ANKS1B: variants seen among roughly 807,000 people sequenced by gnomAD.
ANKS1B encodes the protein ankyrin repeat and sterile alpha motif domain containing 1B, also known as ankyrin repeat and sterile alpha motif domain-containing protein 1B.
A neutral mutation model predicts 148.3 loss-of-function variants in ANKS1B; 36 were observed. The ratio of observed to expected loss-of-function variants is 0.24; its 90% CI spans 0.19 to 0.32. The LOEUF is 0.32. Ranked by LOEUF, ANKS1B falls within the 10% of genes least tolerant of loss-of-function variation. The pLI is 1.00. For missense variants in ANKS1B, 1,157 were observed against 1,542.6 expected (o/e 0.75, Z 4.19); for synonymous variants, 542 against 560.8 (o/e 0.97, Z 0.47).
intron 4 of ANKS1B, among the ~76,000 whole-genome samples, chr12:99,788,285 A>G (rs2065214465): frequency 6.6e-6 from 1 of 152,178 alleles, no homozygotes; most frequent in Non-Finnish European, 1.5e-5. Flanking sequence ...TGCATCTTAG[A>G]TGTCAGCTCA....
intron 10 of ANKS1B, among the ~76,000 whole-genome samples, chr12:99,450,472 A>T (rs2095713595): frequency 6.6e-6 from 1 of 152,254 alleles, no homozygotes; most frequent in Non-Finnish European, 1.5e-5. Flanking sequence ...TTTGCACTAA[A>T]GCCAGAAGAA....
intron 9 of ANKS1B, chr12:99,648,401 C>T (rs1270678023): frequency 6.2e-7 from 1 of 1,614,172 alleles, no homozygotes; most frequent in Non-Finnish European, 8.5e-7. Context: ...ATCGTTCGCA[C>T]CAGCCCCTGC....
intron 14 of ANKS1B, among the ~76,000 whole-genome samples, chr12:99,182,339 T>C (rs2079212231): frequency 6.6e-6 from 1 of 152,130 alleles, no homozygotes; most frequent in South Asian, 2.1e-4. Context: ...CCAAACCATA[T>C]CATCATCTTA....
chr12:99,248,498 A>C (rs1432260360), intron 12 of ANKS1B, among the ~76,000 whole-genome samples: 2 of 152,210 alleles, frequency 1.3e-5, no homozygotes, highest in East Asian at 3.8e-4. Context: ...GTCTTCTCAC[A>C]AAAACAAAAC....
chr12:99,408,006 T>C (rs1567042721), intron 11 of ANKS1B, among the ~76,000 whole-genome samples: 1 of 145,622 alleles, frequency 6.9e-6, no homozygotes, highest in Non-Finnish European at 1.5e-5. Flanking sequence ...AATCCTAAAA[T>C]GTATATGGAA....
chr12:98,987,369 T>C (rs887656281), intron 17 of ANKS1B, among the ~76,000 whole-genome samples: 13 of 152,154 alleles, frequency 8.5e-5, no homozygotes, highest in African/African-American at 3.1e-4. Flanking sequence ...AAGTATCCCA[T>C]TATACTGAAT....
intron 19 of ANKS1B, among the ~76,000 whole-genome samples, chr12:98,812,188 CACAAGACT>C (rs2099101882): frequency 2.0e-5 from 3 of 152,182 alleles, no homozygotes; most frequent in Non-Finnish European, 2.9e-5. Flanking sequence ...ACAGGGGTCT[CACAAGACT>C]ACAATACCAT....
chr12:99,345,651 T>C (rs1025913233), intron 12 of ANKS1B, among the ~76,000 whole-genome samples: 3 of 151,994 alleles, frequency 2.0e-5, no homozygotes, highest in African/African-American at 7.2e-5. Flanking sequence ...CACAGAGAGT[T>C]AGTGAAAATA....
At chr12:98,877,203 CAA>C (rs981122168) in intron 17 of ANKS1B, among the ~76,000 whole-genome samples, 1 of 152,132 alleles carries the variant, frequency 6.6e-6, no homozygotes, top group Non-Finnish European at 1.5e-5. Context: ...AGAGGTAATG[CAA>C]AGAGAGGTCT....
chr12:99,581,155 CTT>C (rs2097566012), intron 9 of ANKS1B, among the ~76,000 whole-genome samples: 1 of 152,070 alleles, frequency 6.6e-6, no homozygotes, highest in Non-Finnish European at 1.5e-5. Flanking sequence ...GATTTCAAGA[CTT>C]AATACAAAAG....
intron 14 of ANKS1B, among the ~76,000 whole-genome samples, chr12:99,182,922 C>T (rs141400874): frequency 5.0e-4 from 76 of 152,242 alleles, no homozygotes; most frequent in African/African-American, 1.8e-3. Context: ...TGATGTTGAA[C>T]ACACTTTTAT....
chr12:98,873,742 C>G (rs2099679105), intron 17 of ANKS1B, among the ~76,000 whole-genome samples: 1 of 152,128 alleles, frequency 6.6e-6, no homozygotes, highest in Admixed American at 6.5e-5. Context: ...TCAAAGGATA[C>G]CCCACTGAAA....
intron 23 of ANKS1B, among the ~76,000 whole-genome samples, chr12:98,781,782 A>G (rs2098739260): frequency 6.6e-6 from 1 of 152,244 alleles, no homozygotes; most frequent in Admixed American, 6.5e-5. Flanking sequence ...ATCACTTGTG[A>G]CCACAAGGGA....
chr12:99,664,331 T>G (rs2098494728), intron 8 of ANKS1B, among the ~76,000 whole-genome samples: 1 of 152,062 alleles, frequency 6.6e-6, no homozygotes, highest in South Asian at 2.1e-4. Context: ...TGAACCCATT[T>G]TATATATTTA....
chr12:99,046,427 C>CTTTGTAA (rs2099962381), intron 17 of ANKS1B, among the ~76,000 whole-genome samples: 1 of 152,122 alleles, frequency 6.6e-6, no homozygotes, highest in African/African-American at 2.4e-5. Flanking sequence ...AGATATTAAA[C>CTTTGTAA]CAGTAACTGT....
At chr12:99,581,888 A>T (rs2097573543) in intron 9 of ANKS1B, among the ~76,000 whole-genome samples, 1 of 142,612 alleles carries the variant, frequency 7.0e-6, no homozygotes, top group African/African-American at 2.6e-5. Context: ...ACAGAGCGAG[A>T]CTCCGTCTCA....
At chr12:99,982,329 T>G (rs954065899) in intron 1 of ANKS1B, among the ~76,000 whole-genome samples, 3 of 97,242 alleles carry the variant, frequency 3.1e-5, no homozygotes, top group African/African-American at 1.5e-4. Context: ...TGACATCTAT[T>G]CTTTAAAAAA....
chr12:99,350,098 C>T (rs2091234215), intron 12 of ANKS1B, among the ~76,000 whole-genome samples: 1 of 151,994 alleles, frequency 6.6e-6, no homozygotes, highest in South Asian at 2.1e-4. Flanking sequence ...CAGATCTCCC[C>T]TTTGGTGCTG....
At chr12:99,275,434 C>T (rs1178642429) in intron 12 of ANKS1B, among the ~76,000 whole-genome samples, 1 of 152,164 alleles carries the variant, frequency 6.6e-6, no homozygotes, top group Non-Finnish European at 1.5e-5. Flanking sequence ...TAAGTGAGAA[C>T]ATGCAAAGTT....
Sources: gnomAD v4.1 joint callset for allele counts (sites outside exome capture counted in the v4.1 genomes callset) on GRCh38, gnomAD v4.1.1 for gene constraint, MANE v1.5 for transcripts, NCBI Gene and HGNC (gene_info 2026-07-23, HGNC 2026-07-21) for gene names.